The following UMODL1 variants were observed in gnomAD, a reference collection of about 807,000 sequenced individuals.
The protein encoded by UMODL1 is uromodulin like 1, also known as uromodulin-like 1.
In UMODL1, 128 loss-of-function variants were observed where a neutral mutation model predicts 136.3. The ratio of observed to expected loss-of-function variants is 0.94; its 90% CI spans 0.81 to 1.09. The LOEUF (loss-of-function observed/expected upper bound fraction) is 1.09, where lower values mean the gene tolerates loss of function less well. UMODL1 is among the 50% of genes least tolerant of loss of function. The probability of loss-of-function intolerance (pLI) is 0.00; values close to 1 mark genes in which losing one functional copy is unlikely to be tolerated. For missense variants in UMODL1, 1,766 were observed against 1,725.6 expected (o/e 1.02, Z -0.41); for synonymous variants, 721 against 720.0 (o/e 1.00, Z -0.02).
chr21:42,068,130 C>G (rs981738679), upstream of UMODL1, among the ~76,000 whole-genome samples: 1 of 152,112 alleles, frequency 6.6e-6, no homozygotes, highest in African/African-American at 2.4e-5. The surrounding 1 kb of genome is among the most constrained non-coding windows in gnomAD (Gnocchi z 5.5). Flanking sequence ...GTCGTTCCAG[C>G]AGGAAGGCCA....
chr21:42,135,463 AG>A (rs1206591101), intron 21 of UMODL1, among the ~76,000 whole-genome samples: 3 of 152,340 alleles, frequency 2.0e-5, no homozygotes, highest in Non-Finnish European at 4.4e-5. Flanking sequence ...GCAACTGAAC[AG>A]GGATGGGTCT....
chr21:42,077,000 GGGGTGTGTGTGTGT>G (rs2066299579), intron 2 of UMODL1, among the ~76,000 whole-genome samples: 4 of 135,418 alleles, frequency 3.0e-5, no homozygotes, highest in Admixed American at 1.6e-4. Flanking sequence ...TTCCAGGGGA[GGGGTGTGTGTGTGT>G]GTGTGTGTGT....
Position 42,090,178 on chromosome 21 carries a change from C to G in UMODL1, c.791-120C>G, listed in dbSNP as rs1569148435. 2.1e-6 allele frequency: 3 copies of G among 1,419,592 alleles called. No individual in the cohort carries two copies. In the African/African-American group the frequency reaches 4.2e-5, roughly 20 times the overall value. 87.9% of individuals were successfully genotyped at this position (1,419,592 alleles called of 1,614,324 possible). The stretch of plus-strand genomic sequence containing the variant: ...CTTGGGATCACTGCCCAAGGCACCC[C>G]TCAACCGACGTGGCACAAATCCGTG... On this transcript the variant is annotated intron_variant, in intron 5 of 22. Coordinates refer to ENST00000408910, the MANE Select transcript of UMODL1 (RefSeq NM_001004416.3).
chr21:42,091,705 G>C (rs148177276), intron 6 of UMODL1, among the ~76,000 whole-genome samples: 56 of 152,348 alleles, frequency 3.7e-4, no homozygotes, highest in Middle Eastern at 3.4e-3. Flanking sequence ...AGAGGATGGG[G>C]AAGACCCGAG....
rs557739955 is a variant in UMODL1 at position 42,131,015 on chromosome 21, G to T, written c.3775+1218G>T. Among the ~76,000 whole-genome samples, 227 of 152,146 alleles carry T rather than the reference G, an allele frequency of 1.5e-3. 1 individual carries two copies. The highest frequency in any genetic ancestry group is 5.3e-3 in the African/African-American group (218 of 41,506). On this transcript the variant is annotated intron_variant, in intron 21 of 22. Coordinates refer to ENST00000408910, the MANE Select transcript of UMODL1 (RefSeq NM_001004416.3). ...TCTTTAGTAGAGACGGAGTTTCACT[G>T]TGTTAGCCAGGATGGTCTCGATCTC...
intron 2 of UMODL1, among the ~76,000 whole-genome samples, chr21:42,079,621 G>A (rs1421307337): frequency 6.6e-6 from 1 of 152,242 alleles, no homozygotes; most frequent in African/African-American, 2.4e-5. Context: ...AGAAGAGGGA[G>A]GGAAACAGGC....
At position 42,125,845 on chromosome 21, in the gene UMODL1, G is replaced by A. The variant is rs539975534; in HGVS notation, c.3148-500G>A. Among the ~76,000 whole-genome samples, 27 of 152,348 alleles carry A rather than the reference G, an allele frequency of 1.8e-4. No homozygotes were observed. The South Asian group carries it at 4.6e-3, about 26-fold the overall frequency. On this transcript the variant is annotated intron_variant, in intron 17 of 22. Transcript: ENST00000408910. ...TGGTGCTCAGATCGCCACCCACACA[G>A]CGGCAGCTCCAGTGGAGAGACAGCG...
In UMODL1 at chr21:42,103,697, G is replaced by A. The variant is rs1159133821; in HGVS notation, c.1300-171G>A. 3 of 792,760 alleles carry A rather than the reference G, an allele frequency of 3.8e-6. No individual in the cohort carries two copies. The East Asian group carries it at 8.1e-5, about 21-fold the overall frequency. The allele number at this position is 792,760 out of a possible 1,614,324, so 49.1% of individuals were successfully genotyped here. A position where few individuals can be genotyped will look rare whatever the true frequency, so the allele number is the denominator to read the frequency against. On this transcript the variant is annotated intron_variant, in intron 8 of 22. Coordinates refer to ENST00000408910, the MANE Select transcript of UMODL1 (RefSeq NM_001004416.3). ...CCGTCCCAGGGAAAGCCCAGCTAAG[G>A]TGCTGTGAACGGACTTCTCTGCGTG...
chr21:42,107,699 C>T lies in UMODL1; in HGVS notation c.1520-1863C>T, dbSNP rs375025820. Among the ~76,000 whole-genome samples, 15 of 152,220 alleles carry T rather than the reference C, an allele frequency of 9.9e-5. 3 individuals are homozygous for T. The highest frequency in any genetic ancestry group is 2.0e-4 in the Admixed American group (3 of 15,300). Reference sequence around the variant, plus strand: ...CATCACTTCTGGAGGACGCCCTGGGCCCTGAAAGACAGCTCATGGTCCAAC... The same window carrying T: ...CATCACTTCTGGAGGACGCCCTGGGTCCTGAAAGACAGCTCATGGTCCAAC... On this transcript the variant is annotated intron_variant, in intron 9 of 22. Coordinates refer to ENST00000408910, the MANE Select transcript of UMODL1 (RefSeq NM_001004416.3).
chr21:42,090,270 G>T, intron 5 of UMODL1, 28 bp from the exon 6 acceptor site: 1 of 1,613,760 alleles, frequency 6.2e-7, no homozygotes, highest in Non-Finnish European at 8.5e-7. Flanking sequence ...CGACTGCTGA[G>T]TGTGGGTCCT....
chr21:42,081,722 GTTAGCATC>G (rs2066364425), intron 2 of UMODL1, among the ~76,000 whole-genome samples: 1 of 152,164 alleles, frequency 6.6e-6, no homozygotes, highest in Non-Finnish European at 1.5e-5. Flanking sequence ...TTCCCCTAAC[GTTAGCATC>G]TTACAGCTCT....
chr21:42,103,947 C>T lies in UMODL1; in HGVS notation c.1379C>T (p.Ala460Val), dbSNP rs112428028. ...KLRMQIVSLQ[A>V]GSVVVRLKLT... ...AGAATGCAGATCGTGTCTCTCCAGG[C>T]GGGAAGTGTGGTCGTGAGGCTCAAG... Residue 460 changes from alanine (A) to valine (V), a missense_variant, in exon 9 of 23, where the codon GCG becomes GTG. Ala to Val is a moderately conservative substitution (Grantham distance 64). Coordinates refer to ENST00000408910, the MANE Select transcript of UMODL1 (RefSeq NM_001004416.3). The T allele has an allele frequency of 4.5e-4, 725 of 1,614,116 alleles. 9 individuals carry two copies. In the African/African-American group the frequency reaches 7.8e-3, roughly 17 times the overall value.
chr21:42,113,907 G>C (rs2066871346), intron 13 of UMODL1, 77 bp downstream of exon 13: 4 of 1,535,374 alleles, frequency 2.6e-6, no homozygotes. Context: ...AGGCTTAAGA[G>C]AGCTGGATTT....
intron 6 of UMODL1, among the ~76,000 whole-genome samples, chr21:42,093,051 T>G (rs997898088): frequency 2.6e-5 from 4 of 152,210 alleles, no homozygotes; most frequent in African/African-American, 9.6e-5. Context: ...TTTGTCCCAG[T>G]GCACTCAGGA....
intron 14 of UMODL1, among the ~76,000 whole-genome samples, chr21:42,116,953 G>A (rs1210921606): frequency 6.6e-6 from 1 of 152,158 alleles, no homozygotes; most frequent in Admixed American, 6.5e-5. Context: ...GCGGGTGCCT[G>A]TAATCCGAGG....
At chr21:42,067,491 A>C (rs924989845), upstream of UMODL1, among the ~76,000 whole-genome samples, 1 of 152,186 alleles carries the variant, frequency 6.6e-6, no homozygotes, top group Non-Finnish European at 1.5e-5. Context: ...GAGGCACTGA[A>C]TGGATAAATG....
At chr21:42,114,597 C>T (rs572507111) in intron 13 of UMODL1, among the ~76,000 whole-genome samples, 2 of 152,302 alleles carry the variant, frequency 1.3e-5, no homozygotes, top group South Asian at 2.1e-4. Flanking sequence ...CAGTGGGGCG[C>T]ACACCCCTTG....
At chr21:42,071,500 T>TCCAA in intron 1 of UMODL1, 108 bp downstream of exon 1, 11 of 1,160,074 alleles carry the variant, frequency 9.5e-6, no homozygotes, top group Non-Finnish European at 1.2e-5. Context: ...AGGACGCCTC[T>TCCAA]GCTTGGAGAG....
chr21:42,114,556 C>G (rs1343719267), intron 13 of UMODL1, among the ~76,000 whole-genome samples: 1 of 150,376 alleles, frequency 6.6e-6, no homozygotes, highest in African/African-American at 2.5e-5. Flanking sequence ...TGGTTTCACA[C>G]TGTGGGCAGC....
Sources: gnomAD v4.1 joint callset for allele counts (sites outside exome capture counted in the v4.1 genomes callset) on GRCh38, gnomAD v4.1.1 for gene constraint, Gnocchi (gnomAD v3.1) non-coding constraint, MANE v1.5 for transcripts, NCBI Gene and HGNC (gene_info 2026-07-23, HGNC 2026-07-21) for gene names.